INPP5F: variants seen among roughly 807,000 people sequenced by gnomAD.
The protein encoded by INPP5F is inositol polyphosphate-5-phosphatase F.
Under a neutral mutation model 137.2 loss-of-function variants are expected in INPP5F, and 97 were observed. The observed-to-expected ratio is 0.71, with a 90% confidence interval of 0.60 to 0.84. INPP5F has a LOEUF of 0.84. Among genes scored for constraint, INPP5F ranks in the 40% least tolerant of loss-of-function variants. INPP5F has a pLI of 0.00. For missense variants in INPP5F, 1,271 were observed against 1,371.9 expected (o/e 0.93, Z 1.16); for synonymous variants, 504 against 476.9 (o/e 1.06, Z -0.74).
At chr10:119,790,653 AGTTCTT>A (rs1850108120) in intron 3 of INPP5F, among the ~76,000 whole-genome samples, 1 of 152,228 alleles carries the variant, frequency 6.6e-6, no homozygotes, top group Non-Finnish European at 1.5e-5. Context: ...AGTAACTATT[AGTTCTT>A]ATTAAGAGTC....
At chr10:119,810,250 AT>A in intron 14 of INPP5F, 33 bp downstream of exon 14, 2 of 1,154,438 alleles carry the variant, frequency 1.7e-6, no homozygotes, top group East Asian at 4.7e-5. Flanking sequence ...TTTCCTCAAA[AT>A]TTATGTCTTC....
At chr10:119,730,462 G>C (rs1348175082) in intron 1 of INPP5F, among the ~76,000 whole-genome samples, 1 of 152,158 alleles carries the variant, frequency 6.6e-6, no homozygotes, top group African/African-American at 2.4e-5. Flanking sequence ...TAAACATTCA[G>C]TAATCTTCTG....
chr10:119,726,113 G>C lies in INPP5F; in HGVS notation c.-150G>C. Reference sequence around the variant, plus strand: ...GGGGCGCGTTCTCCTCCTACCGGTCGGGTGCCCCGGGGCGTTCCCTCTGCC... The same window carrying C: ...GGGGCGCGTTCTCCTCCTACCGGTCCGGTGCCCCGGGGCGTTCCCTCTGCC... On this transcript the variant is annotated 5_prime_UTR_variant, in exon 1 of 20. Transcript: ENST00000650623. 2.5e-6 allele frequency: 1 copy of C among 401,374 alleles called. No individual in the cohort carries two copies. The highest frequency in any genetic ancestry group is 4.3e-6 in the Non-Finnish European group (1 of 233,612). 24.9% of individuals were successfully genotyped at this position (401,374 alleles called of 1,614,324 possible).
chr10:119,812,403 C>T (rs552451002), intron 15 of INPP5F, among the ~76,000 whole-genome samples: 184 of 148,084 alleles, frequency 1.2e-3, no homozygotes, highest in Non-Finnish European at 2.4e-3. Context: ...TAACAAAAAC[C>T]GGTTTCAAGT....
chr10:119,817,033 A>G (rs1185135091), intron 15 of INPP5F, among the ~76,000 whole-genome samples: 1 of 152,154 alleles, frequency 6.6e-6, no homozygotes, highest in African/African-American at 2.4e-5. Flanking sequence ...GCAACCACTA[A>G]TCTACTTCGT....
Position 119,827,997 on chromosome 10 carries a change from A to G in INPP5F, c.*217A>G. 1 of 487,510 alleles carries G rather than the reference A, an allele frequency of 2.1e-6. No individual in the cohort carries two copies. The highest frequency in any genetic ancestry group is 3.7e-6 in the Non-Finnish European group (1 of 272,470). 30.2% of individuals were successfully genotyped at this position (487,510 alleles called of 1,614,324 possible). On this transcript the variant is annotated 3_prime_UTR_variant, in exon 20 of 20. Transcript: ENST00000650623. ...GAATGTGTAGACCTGAGTAGCTTAT[A>G]CACTACAGAGCACTTTGCTTATTTG...
In INPP5F at chr10:119,764,466, C is replaced by T. The variant is rs534381400; in HGVS notation, c.178+13310C>T. Among the ~76,000 whole-genome samples, 17 of 152,252 alleles carry T rather than the reference C, an allele frequency of 1.1e-4. No homozygotes were observed. The South Asian group carries it at 1.5e-3, about 13-fold the overall frequency. On this transcript the variant is annotated intron_variant, in intron 2 of 19. Coordinates refer to ENST00000650623, the MANE Select transcript of INPP5F (RefSeq NM_014937.4). ...CACCCCTGAGACCTCAAGACCAACC[C>T]GTTCTCATCCTTCCTCTTCCTCAGC...
chr10:119,791,284 C>T (rs1290815913), intron 3 of INPP5F, among the ~76,000 whole-genome samples: 2 of 152,194 alleles, frequency 1.3e-5, no homozygotes, highest in East Asian at 3.8e-4. Flanking sequence ...AATTTTCCAC[C>T]TCTAAATCCT....
intron 1 of INPP5F, among the ~76,000 whole-genome samples, chr10:119,734,576 C>T (rs1848170108): frequency 6.6e-6 from 1 of 152,152 alleles, no homozygotes; most frequent in Non-Finnish European, 1.5e-5. Context: ...CTCAAGCAGT[C>T]CTCCTGCTCA....
At chr10:119,779,057 T>C (rs1849616185) in intron 2 of INPP5F, among the ~76,000 whole-genome samples, 1 of 152,188 alleles carries the variant, frequency 6.6e-6, no homozygotes, top group Non-Finnish European at 1.5e-5. Flanking sequence ...TCTGTGGAGA[T>C]AACTAATCTC....
At position 119,726,239 on chromosome 10, in the gene INPP5F, C is replaced by T. The variant is rs748389755; in HGVS notation, c.-24C>T. 10 of 1,424,910 alleles carry T rather than the reference C, an allele frequency of 7.0e-6. No homozygotes were observed. The highest frequency in any genetic ancestry group is 9.2e-7 in the Non-Finnish European group (1 of 1,083,914). 88.3% of individuals were successfully genotyped at this position (1,424,910 alleles called of 1,614,324 possible). A position where few individuals can be genotyped will look rare whatever the true frequency, so the allele number is the denominator to read the frequency against. The stretch of plus-strand genomic sequence containing the variant: ...CCCGTGCGCCGCCCGCGGGCCGCCG[C>T]CTCCCTGGGCGCGCGGGGCCAGCAT... On this transcript the variant is annotated 5_prime_UTR_variant, in exon 1 of 20. Transcript: ENST00000650623.
intron 6 of INPP5F, among the ~76,000 whole-genome samples, chr10:119,794,788 C>T (rs1225493620): frequency 5.7e-5 from 6 of 105,224 alleles, no homozygotes; most frequent in Non-Finnish European, 1.1e-4. Flanking sequence ...GCTGGCCGGG[C>T]GGGGGGCTGA....
chr10:119,802,781 T>C (rs772134214), intron 9 of INPP5F, among the ~76,000 whole-genome samples: 11 of 152,218 alleles, frequency 7.2e-5, no homozygotes, highest in Non-Finnish European at 1.5e-4. Context: ...CTGTTGCTTC[T>C]GAAAAGATCA....
intron 19 of INPP5F, among the ~76,000 whole-genome samples, chr10:119,825,359 T>G (rs1301313787): frequency 3.9e-5 from 6 of 152,212 alleles, no homozygotes; most frequent in Non-Finnish European, 8.8e-5. Flanking sequence ...AGAAAAACTC[T>G]GAAGACCCAG....
chr10:119,748,436 T>G lies in INPP5F; in HGVS notation c.98-2640T>G, dbSNP rs747751239. Among the ~76,000 whole-genome samples the G allele has an allele frequency of 1.8e-4, 28 of 152,184 alleles. No individual in the cohort carries two copies. The highest frequency in any genetic ancestry group is 1.3e-4 in the Admixed American group (2 of 15,270). On this transcript the variant is annotated intron_variant, in intron 1 of 19. Coordinates refer to ENST00000650623, the MANE Select transcript of INPP5F (RefSeq NM_014937.4). This position sits in a 1 kb window ranked among gnomAD's most constrained non-coding sequence, Gnocchi z 4.7. ...GCAGGGGGCGTGTTTTGGTCCTGTT[T>G]GTGTTACAGCTTTTTCAGTCCCACC...
chr10:119,801,834 C>T (rs937959583), intron 9 of INPP5F, among the ~76,000 whole-genome samples: 3 of 152,138 alleles, frequency 2.0e-5, no homozygotes, highest in African/African-American at 7.2e-5. Flanking sequence ...CAAAACAATA[C>T]TAAGGTGTGC....
At chr10:119,798,661 T>TTTTTC in intron 9 of INPP5F, 51 bp downstream of exon 9, 1 of 1,304,476 alleles carries the variant, frequency 7.7e-7, no homozygotes. Context: ...TAGAAATAAC[T>TTTTTC]TTTTCTTTAA....
chr10:119,727,835 C>T (rs939699208), intron 1 of INPP5F, among the ~76,000 whole-genome samples: 11 of 152,198 alleles, frequency 7.2e-5, no homozygotes, highest in Non-Finnish European at 1.0e-4. Flanking sequence ...TTCTCCCCTT[C>T]CCTCCTTTCA....
In INPP5F at chr10:119,820,885, A is replaced by C. The variant is rs1184159667; in HGVS notation, c.1926A>C (p.Leu642Phe). 1 of 1,611,950 alleles carries C rather than the reference A, an allele frequency of 6.2e-7. No individual in the cohort carries two copies. The highest frequency in any genetic ancestry group is 8.5e-7 in the Non-Finnish European group (1 of 1,177,956). Residue 642 changes from leucine (L) to phenylalanine (F), a missense_variant, in exon 16 of 20, where the codon TTA (leucine) becomes TTC (phenylalanine). Transcript: ENST00000650623. The stretch of plus-strand genomic sequence containing the variant: ...CTCACAGAGACGTGGATGTGCTGTT[A>C]CTGCTTTCTAACTCTGCCTACTACG... ...DATHRDVDVL[L>F]LLSNSAYYVA... is the part of the protein sequence containing the mutation.
Sources: allele counts gnomAD v4.1 joint callset (sites outside exome capture counted in the v4.1 genomes callset), GRCh38; gene constraint gnomAD v4.1.1; non-coding constraint Gnocchi (gnomAD v3.1); transcripts MANE v1.5; gene names NCBI Gene and HGNC (gene_info 2026-07-23, HGNC 2026-07-21).